FAM81A: variants seen among roughly 807,000 people sequenced by gnomAD.
FAM81A encodes the protein protein FAM81A.
FAM81A carries 19 observed loss-of-function variants against 46.7 expected under a neutral mutation model. The ratio of observed to expected loss-of-function variants is 0.41; its 90% CI spans 0.28 to 0.60. The LOEUF is 0.60. Among genes scored for constraint, FAM81A ranks in the 20% least tolerant of loss-of-function variants. The pLI is 0.34. For synonymous variants in FAM81A, 183 were observed against 152.9 expected (o/e 1.20, Z -1.45); for missense variants, 377 against 453.5 (o/e 0.83, Z 1.53).
Position 59,417,381 on chromosome 15 carries a change from A to AAAACAAAC in FAM81A, c.-78+15043_-78+15050dup, listed in dbSNP as rs150728195. Among the ~76,000 whole-genome samples the AAAACAAAC allele has an allele frequency of 2.2e-3, 337 of 151,288 alleles. 1 individual carries two copies. Among genetic ancestry groups the AAAACAAAC allele is most frequent in the African/African-American group, 7.2e-3 (299 of 41,266 alleles). The stretch of plus-strand genomic sequence containing the variant: ...ACTTTATGATCAAAGTAGCTATTTA[A>AAAACAAAC]AAACAAACAAACAAACAAACAAACA... On this transcript the variant is annotated intron_variant, in intron 2 of 4. Transcript: ENST00000558348.
chr15:59,476,051 T>C (rs2081762781), intron 3 of FAM81A, among the ~76,000 whole-genome samples: 1 of 152,250 alleles, frequency 6.6e-6, no homozygotes, highest in Non-Finnish European at 1.5e-5. Context: ...GCTGCCTGAA[T>C]TGTAGATGGT....
chr15:59,412,600 G>A (rs1250298672), intron 2 of FAM81A, among the ~76,000 whole-genome samples: 1 of 151,996 alleles, frequency 6.6e-6, no homozygotes, highest in Non-Finnish European at 1.5e-5. Context: ...GGTGGTATGC[G>A]TCTGTAGTCC....
intron 7 of FAM81A, among the ~76,000 whole-genome samples, chr15:59,515,647 A>G (rs1312558838): frequency 1.3e-5 from 2 of 152,174 alleles, no homozygotes; most frequent in African/African-American, 4.8e-5. Flanking sequence ...GATTTTATAT[A>G]TATTTAAAAT....
chr15:59,445,365 A>G (rs2081343182), intron 1 of FAM81A: 1 of 152,144 alleles, frequency 6.6e-6, no homozygotes, highest in African/African-American at 2.4e-5. Context: ...AATTCTTAAA[A>G]TTGTTGAACC....
chr15:59,496,045 T>C (rs563790528), intron 4 of FAM81A, among the ~76,000 whole-genome samples: 50 of 152,312 alleles, frequency 3.3e-4, no homozygotes, highest in African/African-American at 1.2e-3. Flanking sequence ...CTATCTTTTC[T>C]TCAGTTGCTA....
chr15:59,515,521 A>G (rs2082257611), intron 7 of FAM81A, among the ~76,000 whole-genome samples: 2 of 152,126 alleles, frequency 1.3e-5, no homozygotes, highest in East Asian at 3.9e-4. Flanking sequence ...GCCATAACCC[A>G]CTTACAGCTT....
chr15:59,409,247 C>G (rs1596459597), intron 2 of FAM81A, among the ~76,000 whole-genome samples: 1 of 152,152 alleles, frequency 6.6e-6, no homozygotes, highest in East Asian at 1.9e-4. Flanking sequence ...CACTGGGGCT[C>G]TCACTCTCCT....
In FAM81A at chr15:59,507,234, A is replaced by T; in HGVS notation, c.435A>T (p.Arg145Ser). 6.2e-7 allele frequency: 1 copy of T among 1,611,384 alleles called. No homozygotes were observed. The highest frequency in any genetic ancestry group is 8.5e-7 in the Non-Finnish European group (1 of 1,178,726). The change falls in exon 5 of 9, where the codon AGA becomes AGT. Residue 145 changes from arginine to serine, a missense_variant. Arg to Ser is a moderately radical substitution (Grantham distance 110, BLOSUM62 -1). Coordinates refer to ENST00000288228, the MANE Select transcript of FAM81A (RefSeq NM_152450.3). ...RVARCDASIA[R>S]LSAEHKTTYE... ...ACAGATGTGATGCCAGCATAGCTAG[A>T]CTTTCTGCAGAGCACAAAACGACCT...
chr15:59,437,843 C>A (rs2081253765), upstream of FAM81A, among the ~76,000 whole-genome samples: 1 of 152,176 alleles, frequency 6.6e-6, no homozygotes, highest in Admixed American at 6.5e-5. Flanking sequence ...AATCAACCAT[C>A]CCTACAACAG....
chr15:59,453,965 C>G (rs1215320609), intron 1 of FAM81A, among the ~76,000 whole-genome samples: 1 of 152,224 alleles, frequency 6.6e-6, no homozygotes, highest in African/African-American at 2.4e-5. Context: ...TCCTCTGACT[C>G]CTGCCTGCCT....
At chr15:59,490,497 G>C (rs1173340478) in intron 3 of FAM81A, among the ~76,000 whole-genome samples, 1 of 152,182 alleles carries the variant, frequency 6.6e-6, no homozygotes, top group Admixed American at 6.5e-5. Context: ...ATGAAAAGGT[G>C]CTCAACATCA....
chr15:59,514,209 C>A, intron 6 of FAM81A, 80 bp from the exon 7 acceptor site: 1 of 1,376,230 alleles, frequency 7.3e-7, no homozygotes, highest in East Asian at 2.5e-5. Context: ...TGTATATCCT[C>A]AACATGTACC....
intron 8 of FAM81A, among the ~76,000 whole-genome samples, chr15:59,519,253 G>C (rs1468203972): frequency 6.6e-6 from 1 of 151,430 alleles, no homozygotes; most frequent in Non-Finnish European, 1.5e-5. Flanking sequence ...CAGTGGTGCA[G>C]TCTCGGCTGA....
intron 2 of FAM81A, among the ~76,000 whole-genome samples, chr15:59,425,890 G>A (rs138758369): frequency 6.6e-6 from 1 of 152,268 alleles, no homozygotes; most frequent in East Asian, 1.9e-4. Flanking sequence ...CTCCTATTGG[G>A]TTTACAGGCA....
intron 2 of FAM81A, among the ~76,000 whole-genome samples, chr15:59,425,731 G>A (rs931284395): frequency 1.3e-5 from 2 of 152,130 alleles, no homozygotes; most frequent in African/African-American, 4.8e-5. Context: ...GCTTAAGTGA[G>A]CCTCCTGCCT....
chr15:59,467,240 GAAGA>G (rs1225811958), intron 3 of FAM81A, among the ~76,000 whole-genome samples: 2 of 152,126 alleles, frequency 1.3e-5, no homozygotes, highest in African/African-American at 2.4e-5. Context: ...TCAATTCTGT[GAAGA>G]AAGTCATTGG....
intron 3 of FAM81A, among the ~76,000 whole-genome samples, chr15:59,488,154 A>G (rs1168129309): frequency 6.6e-6 from 1 of 152,218 alleles, no homozygotes; most frequent in East Asian, 1.9e-4. Flanking sequence ...ATATCAACAA[A>G]ATGAAAGACA....
upstream of FAM81A, among the ~76,000 whole-genome samples, chr15:59,436,355 C>T (rs1251286788): frequency 6.6e-6 from 1 of 151,936 alleles, no homozygotes; most frequent in Non-Finnish European, 1.5e-5. Context: ...TCCTAGGAAG[C>T]CAGGAAGGGG....
chr15:59,472,865 A>G (rs1462853296), intron 3 of FAM81A, among the ~76,000 whole-genome samples: 1 of 152,218 alleles, frequency 6.6e-6, no homozygotes, highest in Non-Finnish European at 1.5e-5. Flanking sequence ...ATTGCTGTAA[A>G]TAATATACTT....
Sources: allele counts gnomAD v4.1 joint callset (sites outside exome capture counted in the v4.1 genomes callset), GRCh38; gene constraint gnomAD v4.1.1; transcripts MANE v1.5; gene names NCBI Gene and HGNC (gene_info 2026-07-23, HGNC 2026-07-21).